SEPTIN6: variants seen among roughly 807,000 people sequenced by gnomAD.
SEPTIN6 encodes the protein septin 6.
In SEPTIN6, 8 loss-of-function variants were observed where a neutral mutation model predicts 33.6. That is an observed-to-expected ratio of 0.24 (90% CI 0.14 to 0.43). The LOEUF (loss-of-function observed/expected upper bound fraction) is 0.43, where lower values mean the gene tolerates loss of function less well. SEPTIN6 is among the 20% of genes least tolerant of loss of function. The pLI is 1.00. For synonymous variants in SEPTIN6, 131 were observed against 140.0 expected (o/e 0.94, Z 0.45); for missense variants, 250 against 340.8 (o/e 0.73, Z 2.10).
intron 5 of SEPTIN6, among the ~76,000 whole-genome samples, chrX:119,641,883 T>C (rs1030682087): frequency 8.9e-6 from 1 of 112,977 alleles, no homozygotes; most frequent in Non-Finnish European, 1.9e-5. Context: ...TGGGGAAAGT[T>C]TCTTAGCCTG....
At chrX:119,686,490 G>A (rs912049058) in intron 1 of SEPTIN6, 35 of 573,885 alleles carry the variant, frequency 6.1e-5, no homozygotes, top group Non-Finnish European at 8.6e-5. Context: ...CTGAGAGCGC[G>A]CTGCATAATT....
chrX:119,692,583 G>A (rs984647141), intron 1 of SEPTIN6, among the ~76,000 whole-genome samples: 2 of 112,152 alleles, frequency 1.8e-5, no homozygotes, highest in Non-Finnish European at 3.8e-5. Context: ...ATCCCAGCCA[G>A]TCACCTCCCC....
intron 2 of SEPTIN6, among the ~76,000 whole-genome samples, chrX:119,670,428 G>A (rs2054722767): frequency 9.3e-6 from 1 of 107,409 alleles, no homozygotes; most frequent in African/African-American, 3.4e-5. Context: ...GGGCATGGTG[G>A]TGCGCACCTG....
At chrX:119,670,358 G>A (rs949087582) in intron 2 of SEPTIN6, among the ~76,000 whole-genome samples, 10 of 109,252 alleles carry the variant, frequency 9.2e-5, no homozygotes, top group African/African-American at 3.3e-4. Context: ...AAGAGTTCGA[G>A]ACCAGCCTGG....
At chrX:119,646,744 A>G (rs1222753403) in intron 5 of SEPTIN6, 3 of 285,255 alleles carry the variant, frequency 1.1e-5, no homozygotes, top group Admixed American at 3.0e-5. Flanking sequence ...TCCAGCTCCT[A>G]TGACAATTGG....
At position 119,652,843 on chromosome X, in the gene SEPTIN6, G is replaced by T. The variant is rs181710405; in HGVS notation, c.528+11C>A. The T allele has an allele frequency of 2.5e-6, 3 of 1,201,929 alleles. No individual in the cohort carries two copies. The highest frequency in any genetic ancestry group is 3.6e-5 in the South Asian group (2 of 56,178). Reference sequence around the variant, plus strand: ...GTGAGCCCCCAGCGCCCCCGCCCCTGCCTCCTATACCTTACTGTCCAGCTT... The same window carrying T: ...GTGAGCCCCCAGCGCCCCCGCCCCTTCCTCCTATACCTTACTGTCCAGCTT... On this transcript the variant is annotated intron_variant, in intron 4 of 10. Coordinates refer to ENST00000394610, the MANE Select transcript of SEPTIN6 (RefSeq NM_145799.4).
intron 5 of SEPTIN6, among the ~76,000 whole-genome samples, chrX:119,642,177 C>CA (rs1188953936): frequency 0.11 from 5,030 of 45,034 alleles, 392 homozygotes; most frequent in African/African-American, 0.23. Context: ...GACCCAGTCT[C>CA]AAAAAAAAAA....
intron 5 of SEPTIN6, among the ~76,000 whole-genome samples, chrX:119,644,499 C>T (rs1047056388): frequency 1.8e-5 from 2 of 111,353 alleles, no homozygotes; most frequent in Admixed American, 9.6e-5. Context: ...ACCTTCTTGC[C>T]GCATCCTCAC....
intron 2 of SEPTIN6, among the ~76,000 whole-genome samples, chrX:119,672,341 C>A (rs1443011073): frequency 9.0e-6 from 1 of 111,696 alleles, no homozygotes; most frequent in Non-Finnish European, 1.9e-5. Flanking sequence ...TATAGCTGTA[C>A]AATGTCTAGG....
intron 1 of SEPTIN6, among the ~76,000 whole-genome samples, chrX:119,688,992 T>C (rs2055109940): frequency 9.0e-6 from 1 of 111,038 alleles, no homozygotes; most frequent in South Asian, 3.8e-4. Context: ...CACGTGATGA[T>C]AGCAAAACCA....
At chrX:119,635,089 G>A (rs749622468) in intron 7 of SEPTIN6, 22 of 349,691 alleles carry the variant, frequency 6.3e-5, no homozygotes, top group South Asian at 5.3e-4. Flanking sequence ...GGAATGGAGG[G>A]AGCAGTAAGG....
chrX:119,626,698 T>C (rs2053861383), intron 9 of SEPTIN6, among the ~76,000 whole-genome samples: 1 of 111,129 alleles, frequency 9.0e-6, no homozygotes, highest in Admixed American at 9.6e-5. Context: ...GATGTTCTTT[T>C]TTTTTTTTTA....
chrX:119,640,501 TGC>T (rs2054140709), intron 6 of SEPTIN6, among the ~76,000 whole-genome samples, 189 bp downstream of exon 6: 2 of 70,217 alleles, frequency 2.8e-5, no homozygotes, highest in African/African-American at 1.2e-4. Context: ...AGAGGGAGCT[TGC>T]TCCCATCAGA....
chrX:119,629,131 C>G, intron 9 of SEPTIN6, 187 bp downstream of exon 9: 1 of 436,107 alleles, frequency 2.3e-6, no homozygotes, highest in East Asian at 3.7e-5. Flanking sequence ...CTCTCAACTC[C>G]CCAAGCTCAG....
At chrX:119,664,496 TC>T (rs1357433376) in intron 2 of SEPTIN6, among the ~76,000 whole-genome samples, 16 of 110,777 alleles carry the variant, frequency 1.4e-4, no homozygotes, top group Non-Finnish European at 5.7e-5. Flanking sequence ...ATAGTTTTTG[TC>T]ATAAAAATTA....
intron 5 of SEPTIN6, among the ~76,000 whole-genome samples, chrX:119,647,820 A>G: frequency 9.3e-6 from 1 of 107,332 alleles, no homozygotes; most frequent in Non-Finnish European, 1.9e-5. Context: ...TGCCTGGCTA[A>G]TTTTGTCTTT....
chrX:119,616,937 C>G, downstream of SEPTIN6: 1 of 1,055,754 alleles, frequency 9.5e-7, no homozygotes, highest in Non-Finnish European at 1.2e-6. Flanking sequence ...AAGAACACCA[C>G]ACACCAGTTT....
chrX:119,616,589 T>G, downstream of SEPTIN6: 2 of 671,379 alleles, frequency 3.0e-6, no homozygotes, highest in Non-Finnish European at 4.8e-6. Context: ...GAACACTTGT[T>G]GAGTGGTGTG....
At chrX:119,645,949 A>G (rs191056876) in intron 5 of SEPTIN6, among the ~76,000 whole-genome samples, 1 of 112,512 alleles carries the variant, frequency 8.9e-6, no homozygotes, top group Non-Finnish European at 1.9e-5. Flanking sequence ...ATTGTAAAGT[A>G]CTTAATAATC....
Sources: allele counts gnomAD v4.1 joint callset (sites outside exome capture counted in the v4.1 genomes callset), GRCh38; gene constraint gnomAD v4.1.1; transcripts MANE v1.5; gene names NCBI Gene and HGNC (gene_info 2026-07-23, HGNC 2026-07-21).